YAE1: variants seen among roughly 807,000 people sequenced by gnomAD.
YAE1 encodes YAE1 maturation factor of ABCE1.
YAE1 carries 22 observed loss-of-function variants against 23.0 expected under a neutral mutation model. The ratio of observed to expected loss-of-function variants is 0.96; its 90% CI spans 0.68 to 1.37. YAE1 has a LOEUF of 1.37. Ranked by LOEUF, YAE1 falls within the 40% of genes most tolerant of loss-of-function variation. The probability of loss-of-function intolerance (pLI) is 0.00; values close to 1 mark genes in which losing one functional copy is unlikely to be tolerated. For synonymous variants in YAE1, 101 were observed against 97.0 expected (o/e 1.04, Z -0.24); for missense variants, 260 against 262.1 (o/e 0.99, Z 0.06).
intron 2 of YAE1, among the ~76,000 whole-genome samples, chr7:39,586,498 T>C (rs1790815715): frequency 7.2e-6 from 1 of 138,940 alleles, no homozygotes; most frequent in Non-Finnish European, 1.5e-5. Flanking sequence ...ATTTCTCTCT[T>C]TCTTTCTTTC....
rs1386461783 is a variant in YAE1 at position 39,566,416 on chromosome 7, G to C, written c.-3G>C. The C allele has an allele frequency of 1.2e-6, 2 of 1,613,588 alleles. No homozygotes were observed. The highest frequency in any genetic ancestry group is 1.7e-5 in the Admixed American group (1 of 60,014). ...GGCCTGCGACCCCGTAATTGCCTCGGTGATGTCGTGGGTTCAAGCAGCCTC... is the reference window on the plus strand; with the variant it reads ...GGCCTGCGACCCCGTAATTGCCTCGCTGATGTCGTGGGTTCAAGCAGCCTC... On this transcript the variant is annotated 5_prime_UTR_variant, in exon 1 of 3. Coordinates refer to ENST00000223273, the MANE Select transcript of YAE1 (RefSeq NM_020192.5).
intron 2 of YAE1, among the ~76,000 whole-genome samples, chr7:39,593,177 CTTTTTTT>C (rs56303591): frequency 9.7e-5 from 7 of 72,118 alleles, no homozygotes; most frequent in East Asian, 5.4e-4. Context: ...TTGGTTATTT[CTTTTTTT>C]TTTTTTTTTT....
downstream of YAE1, among the ~76,000 whole-genome samples, chr7:39,577,141 C>T (rs1264400619): frequency 2.6e-5 from 4 of 152,228 alleles, no homozygotes; most frequent in Admixed American, 1.3e-4. Context: ...GGTGATCCAC[C>T]CGCCTTGGCC....
chr7:39,593,207 CAG>C (rs375128576), intron 2 of YAE1, among the ~76,000 whole-genome samples: 346 of 29,336 alleles, frequency 0.012, 1 homozygote, highest in African/African-American at 0.05. Context: ...TTTTTTGAGA[CAG>C]AGTCTCGCTT....
exon 3 of YAE1, chr7:39,610,318 CA>C (rs1398193329): frequency 4.1e-6 from 2 of 487,628 alleles, no homozygotes; most frequent in East Asian, 1.1e-4. Context: ...GGTTTGACCT[CA>C]AGGCATGGTT....
chr7:39,610,769 A>G (rs1791201805), downstream of YAE1, among the ~76,000 whole-genome samples: 1 of 152,252 alleles, frequency 6.6e-6, no homozygotes, highest in Non-Finnish European at 1.5e-5. Context: ...TTGTGACTAT[A>G]TAAATTGTAA....
chr7:39,608,061 T>C (rs995917547), intron 2 of YAE1, among the ~76,000 whole-genome samples: 1 of 152,210 alleles, frequency 6.6e-6, no homozygotes, highest in South Asian at 2.1e-4. Flanking sequence ...CCAAGGATCA[T>C]AGAACATGTT....
chr7:39,588,916 C>T (rs554097299), intron 2 of YAE1, among the ~76,000 whole-genome samples: 11 of 151,948 alleles, frequency 7.2e-5, no homozygotes, highest in Non-Finnish European at 1.3e-4. Context: ...CTCCGTCTTC[C>T]GGGTTCAACA....
At chr7:39,597,036 A>G (rs1177921736) in intron 2 of YAE1, among the ~76,000 whole-genome samples, 1 of 152,246 alleles carries the variant, frequency 6.6e-6, no homozygotes, top group Non-Finnish European at 1.5e-5. Context: ...CATTTCTGTG[A>G]TAAGTCATGA....
Position 39,572,759 on chromosome 7 carries a change from A to C in YAE1, c.*53A>C, listed in dbSNP as rs1335451234. On this transcript the variant is annotated 3_prime_UTR_variant, in exon 3 of 3. Coordinates refer to ENST00000223273, the MANE Select transcript of YAE1 (RefSeq NM_020192.5). ...AATGTTCAGAACATTTGGTTTCCTAACAATCGAAATTTGTACTGGTTTCTG... is the reference window on the plus strand; with the variant it reads ...AATGTTCAGAACATTTGGTTTCCTACCAATCGAAATTTGTACTGGTTTCTG... The C allele has an allele frequency of 3.3e-6, 5 of 1,517,442 alleles. No homozygotes were observed. Among genetic ancestry groups the C allele is most frequent in the Non-Finnish European group, 4.4e-6 (5 of 1,138,460 alleles). 94.0% of individuals were successfully genotyped at this position (1,517,442 alleles called of 1,614,324 possible). A position where few individuals can be genotyped will look rare whatever the true frequency, so the allele number is the denominator to read the frequency against.
intron 2 of YAE1, among the ~76,000 whole-genome samples, chr7:39,594,904 G>A (rs367734929): frequency 2.6e-5 from 4 of 151,880 alleles, no homozygotes; most frequent in Non-Finnish European, 2.9e-5. Context: ...CCAGAACCTC[G>A]TTTTTTTAAC....
At chr7:39,608,488 G>T (rs977043761) in intron 2 of YAE1, among the ~76,000 whole-genome samples, 1 of 152,114 alleles carries the variant, frequency 6.6e-6, no homozygotes, top group Non-Finnish European at 1.5e-5. Flanking sequence ...GAAAAGGGTA[G>T]AAAACAAAGA....
chr7:39,593,417 T>C (rs1790931609), intron 2 of YAE1, among the ~76,000 whole-genome samples: 1 of 152,036 alleles, frequency 6.6e-6, no homozygotes, highest in South Asian at 2.1e-4. Context: ...CCAGCTAATT[T>C]TTGTATTTTT....
intron 2 of YAE1, among the ~76,000 whole-genome samples, chr7:39,584,307 G>GA (rs1435442958): frequency 2.6e-5 from 4 of 152,198 alleles, no homozygotes; most frequent in South Asian, 2.1e-4. Flanking sequence ...CAGAGTGATG[G>GA]AAAGGGGGTA....
intron 1 of YAE1, among the ~76,000 whole-genome samples, chr7:39,568,046 A>G (rs1314755240): frequency 6.6e-6 from 1 of 152,078 alleles, no homozygotes; most frequent in Non-Finnish European, 1.5e-5. Flanking sequence ...CTTAAAATAT[A>G]AAAATGTGTG....
At chr7:39,606,466 C>A (rs1791131285) in intron 2 of YAE1, among the ~76,000 whole-genome samples, 1 of 152,180 alleles carries the variant, frequency 6.6e-6, no homozygotes, top group Admixed American at 6.5e-5. Flanking sequence ...TTCTCTTTGA[C>A]AGTGATTAGT....
At chr7:39,586,370 C>G (rs929509603) in intron 2 of YAE1, among the ~76,000 whole-genome samples, 1 of 150,198 alleles carries the variant, frequency 6.7e-6, no homozygotes, top group African/African-American at 2.4e-5. Context: ...GACGGGGTTT[C>G]ACCGTGTTAG....
At chr7:39,570,700 GTGT>G in intron 2 of YAE1, 73 bp downstream of exon 2, 1 of 1,499,198 alleles carries the variant, frequency 6.7e-7, no homozygotes, top group Non-Finnish European at 8.8e-7. Context: ...TATAAATAAA[GTGT>G]TTAAACTGAA....
downstream of YAE1, among the ~76,000 whole-genome samples, chr7:39,574,787 C>G (rs184955255): frequency 8.0e-5 from 12 of 150,604 alleles, no homozygotes; most frequent in Non-Finnish European, 1.6e-4. Context: ...TCCCTGTAGT[C>G]TTCGCTACTT....
Sources: allele counts gnomAD v4.1 joint callset (sites outside exome capture counted in the v4.1 genomes callset), GRCh38; gene constraint gnomAD v4.1.1; transcripts MANE v1.5; gene names NCBI Gene and HGNC (gene_info 2026-07-23, HGNC 2026-07-21).